DEFB115: variants seen among roughly 807,000 people sequenced by gnomAD.
DEFB115 encodes defensin beta 115.
Under a neutral mutation model 8.8 loss-of-function variants are expected in DEFB115, and 7 were observed. The ratio of observed to expected loss-of-function variants is 0.79; its 90% CI spans 0.45 to 1.49. The LOEUF (loss-of-function observed/expected upper bound fraction) is 1.49. Ranked by LOEUF, DEFB115 falls within the 40% of genes most tolerant of loss-of-function variation. The pLI is 0.01. For missense variants in DEFB115, 143 were observed against 99.4 expected (o/e 1.44, Z -1.86); for synonymous variants, 62 against 37.6 (o/e 1.65, Z -2.37).
rs183718167 is a variant in DEFB115, at chr20:31,257,752, C to T, written c.89C>T (p.Ala30Val). ...LVVLVVLAQT[A>V]PDGWIRRCYY... ...GTCCTTGTGGTCCTGGCTCAGACTG[C>T]CCCAGGTAAACAGAACCATGGAGAG... The change falls in exon 1 of 2, where the codon GCC becomes GTC. Residue 30 changes from alanine to valine, a missense_variant. Ala to Val is a moderately conservative substitution (Grantham distance 64). Transcript: ENST00000400552. 1.2e-6 allele frequency: 2 copies of T among 1,612,614 alleles called. No homozygotes were observed. The highest frequency in any genetic ancestry group is 1.7e-5 in the Admixed American group (1 of 59,980).
intron 1 of DEFB115, among the ~76,000 whole-genome samples, chr20:31,258,801 G>A (rs1037548261): frequency 3.3e-5 from 5 of 152,104 alleles, no homozygotes; most frequent in Non-Finnish European, 5.9e-5. Flanking sequence ...AAGACAAGTG[G>A]AAAGAATCTG....
Position 31,259,578 on chromosome 20 carries a change from G to A in DEFB115, c.213G>A (p.Lys71=), listed in dbSNP as rs757642240. 3 of 1,611,460 alleles carry A rather than the reference G, an allele frequency of 1.9e-6. No homozygotes were observed. Among genetic ancestry groups the A allele is most frequent in the Middle Eastern group, 1.7e-4 (1 of 6,050 alleles). ...EKHICCVPKE[K]DKLSHIHDQK... ...ATATTTGCTGTGTCCCTAAAGAAAA[G>A]GATAAACTATCACACATTCACGACC... Residue 71 remains lysine, a synonymous_variant, in exon 2 of 2, where the codon AAG becomes AAA. Coordinates refer to ENST00000400552, the MANE Select transcript of DEFB115 (RefSeq NM_001037730.1).
Position 31,257,865 on chromosome 20 carries a change from G to T in DEFB115, c.94+108G>T, listed in dbSNP as rs912723143. ...AGAAGCAAGGAGAGCCCACAGGGAT[G>T]GCTGAGATCTGATGAAAGGCTTATA... is the stretch of plus-strand genomic sequence containing the variant. On this transcript the variant is annotated intron_variant, in intron 1 of 1. Coordinates refer to ENST00000400552, the MANE Select transcript of DEFB115 (RefSeq NM_001037730.1). 6 of 963,166 alleles carry T rather than the reference G, an allele frequency of 6.2e-6. No individual in the cohort carries two copies. The African/African-American group carries it at 9.8e-5, about 16-fold the overall frequency. 59.7% of individuals were successfully genotyped at this position (963,166 alleles called of 1,614,324 possible). A position where few individuals can be genotyped will look rare whatever the true frequency, so the allele number is the denominator to read the frequency against.
rs200086265 is a variant in DEFB115, at chr20:31,257,765, G to C, written c.94+8G>C. ...TGGCTCAGACTGCCCCAGGTAAACA[G>C]AACCATGGAGAGAAGGGAAAAGGGA... On this transcript the variant is annotated splice_region_variant and intron_variant, in intron 1 of 1. Coordinates refer to ENST00000400552, the MANE Select transcript of DEFB115 (RefSeq NM_001037730.1). 3.1e-5 allele frequency: 50 copies of C among 1,606,872 alleles called. No homozygotes were observed. In the Admixed American group the frequency reaches 7.8e-4, roughly 25 times the overall value.
chr20:31,257,711 T>A lies in DEFB115; in HGVS notation c.48T>A (p.Ser16=). 6.2e-7 allele frequency: 1 copy of A among 1,613,998 alleles called. No individual in the cohort carries two copies. Among genetic ancestry groups the A allele is most frequent in the Non-Finnish European group, 8.5e-7 (1 of 1,179,910 alleles). ...FSPLSGDIKL[S]VLALVVLVVL... is the part of the protein sequence containing the mutation. ...CCCTCTCAGGAGACATTAAACTCTC[T>A]GTCCTGGCCTTAGTTGTCCTTGTGG... Residue 16 remains serine (S), a synonymous_variant, in exon 1 of 2, where the codon TCT becomes TCA. Transcript: ENST00000400552.
In DEFB115 at chr20:31,257,745, C is replaced by T. The variant is rs1241558161; in HGVS notation, c.82C>T (p.Gln28Ter). Residue 28 changes from glutamine (Q) to a stop codon, truncating the protein, a stop_gained, in exon 1 of 2, where the codon CAG becomes TAG. Transcript: ENST00000400552. LOFTEE classifies it high-confidence loss of function. Reference protein sequence around the residue: ...LALVVLVVLAQTAPDGWIRRC... With the variant: ...LALVVLVVLA ...CTTAGTTGTCCTTGTGGTCCTGGCTCAGACTGCCCCAGGTAAACAGAACCA... is the reference window on the plus strand; with the variant it reads ...CTTAGTTGTCCTTGTGGTCCTGGCTTAGACTGCCCCAGGTAAACAGAACCA... 8.1e-6 allele frequency: 13 copies of T among 1,613,350 alleles called. No individual in the cohort carries two copies. Among genetic ancestry groups the T allele is most frequent in the Admixed American group, 1.7e-5 (1 of 59,980 alleles).
At chr20:31,258,567 G>A (rs1307459703) in intron 1 of DEFB115, among the ~76,000 whole-genome samples, 1 of 152,166 alleles carries the variant, frequency 6.6e-6, no homozygotes, top group Admixed American at 6.6e-5. Flanking sequence ...GTTATTCTGG[G>A]CTAACCCTGA....
intron 1 of DEFB115, 72 bp from the exon 2 acceptor site, chr20:31,259,388 C>T (rs916709161): frequency 5.7e-6 from 8 of 1,409,790 alleles, no homozygotes; most frequent in Non-Finnish European, 9.4e-7. Flanking sequence ...TTACTATTAC[C>T]AACATCCTTT....
At position 31,257,972 on chromosome 20, in the gene DEFB115, G is replaced by A. The variant is rs940423827; in HGVS notation, c.94+215G>A. Among the ~76,000 whole-genome samples, 10 of 152,304 alleles carry A rather than the reference G, an allele frequency of 6.6e-5. 1 individual carries two copies. In the Middle Eastern group the frequency reaches 0.01, roughly 155 times the overall value. Reference sequence around the variant, plus strand: ...TCATTAGGGAACCTGGAGAATATCTGCAGAGGCCAAGGTGTTTTATATGAA... The same window carrying A: ...TCATTAGGGAACCTGGAGAATATCTACAGAGGCCAAGGTGTTTTATATGAA... On this transcript the variant is annotated intron_variant, in intron 1 of 1. Transcript: ENST00000400552.
At position 31,259,552 on chromosome 20, in the gene DEFB115, C is replaced by T. The variant is rs1324021893; in HGVS notation, c.187C>T (p.His63Tyr). 3.7e-6 allele frequency: 6 copies of T among 1,612,712 alleles called. No homozygotes were observed. Among genetic ancestry groups the T allele is most frequent in the Non-Finnish European group, 5.1e-6 (6 of 1,179,432 alleles). ...ERKKEKCGEKHICCVPKEKDK... is the reference protein window; with the variant it reads ...ERKKEKCGEKYICCVPKEKDK... The stretch of plus-strand genomic sequence containing the variant: ...GAAGAAAGAAAAATGTGGGGAAAAA[C>T]ATATTTGCTGTGTCCCTAAAGAAAA... Residue 63 changes from histidine to tyrosine, a missense_variant, in exon 2 of 2, where the codon CAT (histidine) becomes TAT (tyrosine). Transcript: ENST00000400552.
At chr20:31,258,407 C>T (rs6120956) in intron 1 of DEFB115, among the ~76,000 whole-genome samples, 2 of 152,148 alleles carry the variant, frequency 1.3e-5, no homozygotes, top group Non-Finnish European at 2.9e-5. Context: ...ATGTTTTCCC[C>T]TTAGGCTTCC....
chr20:31,258,048 C>A (rs893713823), intron 1 of DEFB115, among the ~76,000 whole-genome samples: 5 of 152,176 alleles, frequency 3.3e-5, no homozygotes, highest in African/African-American at 1.2e-4. Context: ...TCCTGAATGC[C>A]TCTGGCCCAT....
rs549609335 is a variant in DEFB115, at chr20:31,257,920, T to A, written c.94+163T>A. Among the ~76,000 whole-genome samples the A allele has an allele frequency of 2.6e-5, 4 of 152,314 alleles. No individual in the cohort carries two copies. In the East Asian group the frequency reaches 7.7e-4, roughly 29 times the overall value. On this transcript the variant is annotated intron_variant, in intron 1 of 1. Coordinates refer to ENST00000400552, the MANE Select transcript of DEFB115 (RefSeq NM_001037730.1). ...ATATGCTCCCATAAGAAGGGCAGCC[T>A]GTCAGGCCTGACCATGGTGGTGGTT...
chr20:31,257,837 T>C (rs1729646731), intron 1 of DEFB115, 80 bp downstream of exon 1: 1 of 1,305,266 alleles, frequency 7.7e-7, no homozygotes, highest in African/African-American at 1.5e-5. Flanking sequence ...ATTGAACATG[T>C]GTAGAAGCAA....
At position 31,257,696 on chromosome 20, in the gene DEFB115, A is replaced by T; in HGVS notation, c.33A>T (p.Gly11=). The part of the protein sequence containing the change: MLPDHFSPLS[G]DIKLSVLALV... The stretch of plus-strand genomic sequence containing the variant: ...CAGATCATTTCTCACCCCTCTCAGG[A>T]GACATTAAACTCTCTGTCCTGGCCT... Residue 11 remains glycine, a synonymous_variant, in exon 1 of 2, where the codon GGA becomes GGT. Transcript: ENST00000400552. 1 of 1,613,978 alleles carries T rather than the reference A, an allele frequency of 6.2e-7. No homozygotes were observed. The highest frequency in any genetic ancestry group is 8.5e-7 in the Non-Finnish European group (1 of 1,179,940).
chr20:31,258,527 A>G (rs1183691614), intron 1 of DEFB115, among the ~76,000 whole-genome samples: 1 of 152,174 alleles, frequency 6.6e-6, no homozygotes, highest in Non-Finnish European at 1.5e-5. Context: ...GCCTTTGCCA[A>G]TCACTCAGTT....
chr20:31,259,398 T>C, intron 1 of DEFB115, 62 bp from the exon 2 acceptor site: 1 of 1,451,850 alleles, frequency 6.9e-7, no homozygotes, highest in African/African-American at 1.5e-5. Context: ...CAACATCCTT[T>C]CTTTAATTGT....
chr20:31,259,088 T>A (rs1983832679), intron 1 of DEFB115, among the ~76,000 whole-genome samples: 1 of 152,086 alleles, frequency 6.6e-6, no homozygotes, highest in Non-Finnish European at 1.5e-5. Flanking sequence ...ACATAGTAGA[T>A]GCTCAACAAA....
rs756341507 is a variant in DEFB115, at chr20:31,259,560, C to CTGTG, written c.197_200dup (p.Pro68CysfsTer3). On this transcript the variant is annotated frameshift_variant, in exon 2 of 2. Transcript: ENST00000400552. LOFTEE classifies it high-confidence loss of function. The stretch of plus-strand genomic sequence containing the variant: ...AAAAATGTGGGGAAAAACATATTTG[C>CTGTG]TGTGTCCCTAAAGAAAAGGATAAAC... The CTGTG allele has an allele frequency of 6.2e-7, 1 of 1,612,546 alleles. No homozygotes were observed. Among genetic ancestry groups the CTGTG allele is most frequent in the East Asian group, 2.2e-5 (1 of 44,826 alleles).
Sources: gnomAD v4.1 joint callset for allele counts (sites outside exome capture counted in the v4.1 genomes callset) on GRCh38, gnomAD v4.1.1 for gene constraint, MANE v1.5 for transcripts, NCBI Gene and HGNC (gene_info 2026-07-23, HGNC 2026-07-21) for gene names.